RABGEF1: variants seen among roughly 807,000 people sequenced by gnomAD.
The protein encoded by RABGEF1 is RAB guanine nucleotide exchange factor 1.
A neutral mutation model predicts 57.3 loss-of-function variants in RABGEF1; 26 were observed. That is an observed-to-expected ratio of 0.45 (90% CI 0.33 to 0.63). The LOEUF is 0.63. RABGEF1 is among the 20% of genes least tolerant of loss of function. RABGEF1 has a pLI of 0.02. For synonymous variants in RABGEF1, 185 were observed against 210.7 expected, an observed-to-expected ratio of 0.88 and a Z score of 1.06; for missense variants, 464 against 607.6, an observed-to-expected ratio of 0.76 and a Z score of 2.48.
At chr7:66,669,766 G>A in the RABGEF1 span, 647 of 152,226 alleles carry the variant, frequency 4.3e-3, 3 homozygotes, top group Non-Finnish European at 7.8e-3. Context: ...TGACTTCCCC[G>A]TCTCGGGAAA....
At chr7:66,655,131 C>A in the RABGEF1 span, among the ~76,000 whole-genome samples, 1 of 152,230 alleles carries the variant, frequency 6.6e-6, no homozygotes, top group Non-Finnish European at 1.5e-5. Flanking sequence ...CCCCCGTCGC[C>A]CTGGGGGGAC....
intron 5 of RABGEF1, among the ~76,000 whole-genome samples, chr7:66,796,267 G>A (rs889131016): frequency 6.6e-6 from 1 of 152,146 alleles, no homozygotes; most frequent in Non-Finnish European, 1.5e-5. Flanking sequence ...AGTTTTTAGG[G>A]ATTCTTTATG....
intron 2 of RABGEF1, chr7:66,773,926 A>G: frequency 2.5e-6 from 1 of 406,526 alleles, no homozygotes; most frequent in South Asian, 1.8e-5. Context: ...TTGGCCTCCC[A>G]GTGTGCTGGG....
At chr7:66,731,413 G>T (rs946649512) in intron 2 of RABGEF1, among the ~76,000 whole-genome samples, 1 of 152,120 alleles carries the variant, frequency 6.6e-6, no homozygotes, top group Non-Finnish European at 1.5e-5. Context: ...TGAACGCCTG[G>T]CTGGTAAATA....
chr7:66,764,654 A>G (rs1367560232), intron 1 of RABGEF1, among the ~76,000 whole-genome samples: 1 of 152,224 alleles, frequency 6.6e-6, no homozygotes, highest in Non-Finnish European at 1.5e-5. Context: ...AGCATCTAAC[A>G]TCTAACATCG....
At chr7:66,750,515 G>A (rs1303212713) in intron 1 of RABGEF1, among the ~76,000 whole-genome samples, 1 of 152,146 alleles carries the variant, frequency 6.6e-6, no homozygotes, top group Non-Finnish European at 1.5e-5. Context: ...AGCACTTATA[G>A]GATGTAAGCT....
At chr7:66,732,639 A>G (rs1797454857) in intron 2 of RABGEF1, among the ~76,000 whole-genome samples, 1 of 152,022 alleles carries the variant, frequency 6.6e-6, no homozygotes, top group Non-Finnish European at 1.5e-5. Flanking sequence ...CTTGACTTTC[A>G]GTTCCACTCC....
At chr7:66,656,212 GCTCAAGGGATC>G in the RABGEF1 span, among the ~76,000 whole-genome samples, 1 of 152,044 alleles carries the variant, frequency 6.6e-6, no homozygotes, top group Non-Finnish European at 1.5e-5. Flanking sequence ...AACTGCCTGT[GCTCAAGGGATC>G]CTCCCACCTC....
At chr7:66,762,527 T>G (rs1804687925) in intron 1 of RABGEF1, among the ~76,000 whole-genome samples, 2 of 150,946 alleles carry the variant, frequency 1.3e-5, no homozygotes, top group South Asian at 4.2e-4. Context: ...GGAGGTCGAG[T>G]GTTGTGAGCC....
chr7:66,659,027 G>T, the RABGEF1 span, among the ~76,000 whole-genome samples: 1 of 152,134 alleles, frequency 6.6e-6, no homozygotes, highest in Non-Finnish European at 1.5e-5. Flanking sequence ...GAGCCACCCG[G>T]TGCCCGGCCG....
the RABGEF1 span, among the ~76,000 whole-genome samples, chr7:66,658,948 G>A: frequency 6.6e-6 from 1 of 151,936 alleles, no homozygotes; most frequent in Non-Finnish European, 1.5e-5. Context: ...TGTTAGCCAG[G>A]ATGATCTCTA....
rs1810436418 is a variant in RABGEF1 at position 66,783,465 on chromosome 7, T to C, written c.347-210T>C. Among the ~76,000 whole-genome samples the C allele has an allele frequency of 2.0e-5, 3 of 152,230 alleles. No individual in the cohort carries two copies. The South Asian group carries it at 6.2e-4, about 32-fold the overall frequency. On this transcript the variant is annotated intron_variant, in intron 3 of 8. Coordinates refer to ENST00000284957, the MANE Select transcript of RABGEF1 (RefSeq NM_014504.3). The stretch of plus-strand genomic sequence containing the variant: ...TTCAGTAGGAATATCTTTTAGATAA[T>C]GTAGTTTTGTCTACTCATACTTCCT...
intron 1 of RABGEF1, among the ~76,000 whole-genome samples, chr7:66,706,844 C>T (rs561144853): frequency 4.3e-5 from 6 of 138,746 alleles, no homozygotes; most frequent in East Asian, 2.2e-4. Context: ...TGCAGTTTCG[C>T]GATCTCAGCT....
intron 3 of RABGEF1, among the ~76,000 whole-genome samples, chr7:66,781,144 T>A (rs1393619286): frequency 2.6e-5 from 4 of 152,140 alleles, no homozygotes; most frequent in African/African-American, 7.2e-5. Context: ...TATGACCACA[T>A]CTTTATCTCC....
chr7:66,723,304 T>A (rs1180848430), intron 2 of RABGEF1, among the ~76,000 whole-genome samples: 9 of 152,082 alleles, frequency 5.9e-5, no homozygotes, highest in Middle Eastern at 3.2e-3. Flanking sequence ...TCTTGTTTGT[T>A]TTGGTTTTTG....
intron 7 of RABGEF1, among the ~76,000 whole-genome samples, chr7:66,802,275 T>C (rs1787465491): frequency 6.6e-6 from 1 of 152,214 alleles, no homozygotes; most frequent in South Asian, 2.1e-4. Flanking sequence ...CTAAACATTC[T>C]GTGATGAACA....
chr7:66,690,133 G>A (rs148298681), intron 1 of RABGEF1, among the ~76,000 whole-genome samples: 1 of 137,244 alleles, frequency 7.3e-6, no homozygotes, highest in Non-Finnish European at 1.5e-5. Flanking sequence ...ACGGAGTCTC[G>A]CTGTGTCGCC....
intron 4 of RABGEF1, among the ~76,000 whole-genome samples, chr7:66,792,382 C>T (rs1475245295): frequency 6.6e-6 from 1 of 152,176 alleles, no homozygotes; most frequent in Non-Finnish European, 1.5e-5. Context: ...GCCAAAGACA[C>T]GAGTCTCCTG....
At position 66,767,000 on chromosome 7, in the gene RABGEF1, C is replaced by CTT. The variant is rs34123866; in HGVS notation, c.-17-4864_-17-4863dup. On this transcript the variant is annotated intron_variant, in intron 1 of 8. Transcript: ENST00000284957. Reference sequence around the variant, plus strand: ...AACCTGGAAATTGCCTGTCAAGTTTCTTTTTTTTTTTTTTTTTTTTGAGAT... The same window carrying CTT: ...AACCTGGAAATTGCCTGTCAAGTTTCTTTTTTTTTTTTTTTTTTTTTTGAGAT... Among the ~76,000 whole-genome samples the CTT allele has an allele frequency of 7.2e-4, 74 of 102,594 alleles. 2 individuals carry two copies. In the East Asian group the frequency reaches 9.8e-3, roughly 14 times the overall value. 67.3% of individuals were successfully genotyped at this position (102,594 alleles called of 152,430 possible).
Sources: allele counts gnomAD v4.1 joint callset (sites outside exome capture counted in the v4.1 genomes callset), GRCh38; gene constraint gnomAD v4.1.1; transcripts MANE v1.5; gene names NCBI Gene and HGNC (gene_info 2026-07-23, HGNC 2026-07-21).